Variants in SPOCK1 observed in about 807,000 individuals in gnomAD.
The protein encoded by SPOCK1 is testican-1.
Under a neutral mutation model 55.3 loss-of-function variants are expected in SPOCK1, and 23 were observed. The ratio of observed to expected loss-of-function variants is 0.42; its 90% confidence interval spans 0.30 to 0.59. SPOCK1 has a LOEUF of 0.59. Among genes scored for constraint, SPOCK1 ranks in the 20% least tolerant of loss-of-function variants. The pLI, the probability that SPOCK1 is intolerant of heterozygous loss-of-function variation, is 0.22. For missense variants in SPOCK1, 499 were observed against 552.5 expected (o/e 0.90, Z 0.97); for synonymous variants, 226 against 221.0 (o/e 1.02, Z -0.20).
At chr5:137,235,142 G>A (rs527270892) in intron 3 of SPOCK1, among the ~76,000 whole-genome samples, 66 of 152,178 alleles carry the variant, frequency 4.3e-4, no homozygotes, top group African/African-American at 1.2e-3. Flanking sequence ...AAGATCTAGC[G>A]TCACTTTGTC....
intron 2 of SPOCK1, among the ~76,000 whole-genome samples, chr5:137,322,121 A>C (rs983317383): frequency 2.0e-5 from 3 of 152,098 alleles, no homozygotes. Context: ...CAGTGAACCC[A>C]GGAGTTCGAG....
At chr5:137,079,533 T>TC (rs59775905) in intron 5 of SPOCK1, among the ~76,000 whole-genome samples, 4,677 of 38,168 alleles carry the variant, frequency 0.12, 160 homozygotes, top group Non-Finnish European at 0.23. Flanking sequence ...CCCATCTGAT[T>TC]CCCCCCCCCC....
chr5:136,994,085 A>C (rs999382191), intron 6 of SPOCK1, among the ~76,000 whole-genome samples: 1 of 152,132 alleles, frequency 6.6e-6, no homozygotes, highest in Non-Finnish European at 1.5e-5. Context: ...AGGAGAGGTG[A>C]CCAGGCCCTG....
intron 2 of SPOCK1, among the ~76,000 whole-genome samples, chr5:137,319,984 TC>T (rs1757954312): frequency 7.1e-6 from 1 of 141,484 alleles, no homozygotes; most frequent in Admixed American, 7.0e-5. Context: ...CAACACATGA[TC>T]CAAAAAGCCT....
intron 5 of SPOCK1, among the ~76,000 whole-genome samples, chr5:137,076,653 A>G (rs1422698198): frequency 6.6e-6 from 1 of 151,506 alleles, no homozygotes; most frequent in Non-Finnish European, 1.5e-5. Flanking sequence ...TAGCCAAAGT[A>G]CAGTTTCTAG....
chr5:137,236,578 G>T (rs1197064463), intron 3 of SPOCK1, among the ~76,000 whole-genome samples: 5 of 152,152 alleles, frequency 3.3e-5, no homozygotes, highest in African/African-American at 1.2e-4. Context: ...GAGCATGCTT[G>T]CCCAGGTTTC....
chr5:137,327,482 A>G (rs1328048986), intron 2 of SPOCK1, among the ~76,000 whole-genome samples: 2 of 152,228 alleles, frequency 1.3e-5, no homozygotes, highest in East Asian at 1.9e-4. Context: ...AAACCAATAC[A>G]ACTATATCTA....
intron 6 of SPOCK1, among the ~76,000 whole-genome samples, chr5:137,049,160 T>C (rs1752156020): frequency 1.8e-5 from 1 of 56,292 alleles, no homozygotes; most frequent in Non-Finnish European, 3.8e-5. Flanking sequence ...TGGCGTTCTC[T>C]GTATTTCCTG....
At chr5:137,137,720 C>A (rs1256543132) in intron 4 of SPOCK1, among the ~76,000 whole-genome samples, 1 of 152,224 alleles carries the variant, frequency 6.6e-6, no homozygotes, top group Admixed American at 6.5e-5. Flanking sequence ...CACGCTAAAC[C>A]TCAAAGGCTT....
At chr5:137,261,879 T>G (rs1756748369) in intron 3 of SPOCK1, among the ~76,000 whole-genome samples, 1 of 152,190 alleles carries the variant, frequency 6.6e-6, no homozygotes, top group African/African-American at 2.4e-5. Context: ...GGGAGGTTCT[T>G]TCCTGAGTGC....
At chr5:137,107,453 C>T (rs1318454032) in intron 5 of SPOCK1, among the ~76,000 whole-genome samples, 2 of 152,190 alleles carry the variant, frequency 1.3e-5, no homozygotes, top group Non-Finnish European at 2.9e-5. Context: ...CACTGTTGGC[C>T]TTCCATTTGT....
chr5:137,391,846 C>T (rs1362179966), intron 2 of SPOCK1, among the ~76,000 whole-genome samples: 1 of 152,176 alleles, frequency 6.6e-6, no homozygotes, highest in Non-Finnish European at 1.5e-5. Flanking sequence ...AGCCCTGCTG[C>T]CCAAAACAAA....
Position 136,979,402 on chromosome 5 carries a change from C to A in SPOCK1, c.1059G>T (p.Gly353=), listed in dbSNP as rs767300752. 8 of 1,614,142 alleles carry A rather than the reference C, an allele frequency of 5.0e-6. No individual in the cohort carries two copies. Among genetic ancestry groups the A allele is most frequent in the Non-Finnish European group, 6.8e-6 (8 of 1,180,004 alleles). ...CATATTTGTCCACACACCAGCACTGCCCCGTGCTGCCGTGGCACTGTGTGG... is the reference window on the plus strand; with the variant it reads ...CATATTTGTCCACACACCAGCACTGACCCGTGCTGCCGTGGCACTGTGTGG... The part of the protein sequence containing the change: ...YKATQCHGST[G]QCWCVDKYGN... Residue 353 remains glycine, a synonymous_variant, in exon 10 of 11, where the codon GGG becomes GGT. Coordinates refer to ENST00000394945, the MANE Select transcript of SPOCK1 (RefSeq NM_004598.4).
intron 2 of SPOCK1, among the ~76,000 whole-genome samples, chr5:137,478,220 C>A (rs1753877187): frequency 6.6e-6 from 1 of 152,124 alleles, no homozygotes; most frequent in Admixed American, 6.5e-5. Flanking sequence ...ACAAGGCCAT[C>A]TTAGAATAGC....
intron 2 of SPOCK1, among the ~76,000 whole-genome samples, chr5:137,481,328 C>T (rs566962291): frequency 6.6e-6 from 1 of 152,356 alleles, no homozygotes; most frequent in South Asian, 2.1e-4. Flanking sequence ...TAGCTCCTTA[C>T]AGCCAAGATT....
chr5:137,171,851 T>C (rs1213910394), intron 3 of SPOCK1, among the ~76,000 whole-genome samples: 2 of 152,128 alleles, frequency 1.3e-5, no homozygotes, highest in Non-Finnish European at 2.9e-5. Context: ...CTCGTACCTT[T>C]CTAATAAACA....
chr5:137,379,520 A>C (rs2127174327), intron 2 of SPOCK1, among the ~76,000 whole-genome samples: 1 of 145,910 alleles, frequency 6.9e-6, no homozygotes, highest in African/African-American at 2.5e-5. Flanking sequence ...AAGATCTCTT[A>C]ATACCCACCC....
intron 2 of SPOCK1, among the ~76,000 whole-genome samples, chr5:137,297,493 C>G (rs2127134699): frequency 1.3e-5 from 2 of 152,296 alleles, no homozygotes; most frequent in South Asian, 4.1e-4. Flanking sequence ...ACATTTCTTC[C>G]TTTATGCCTT....
intron 3 of SPOCK1, among the ~76,000 whole-genome samples, chr5:137,209,331 C>T (rs1412280452): frequency 6.6e-6 from 1 of 152,146 alleles, no homozygotes; most frequent in Non-Finnish European, 1.5e-5. Flanking sequence ...CCCTAAATAA[C>T]CAGGCCATGT....
Sources: gnomAD v4.1 joint callset for allele counts (sites outside exome capture counted in the v4.1 genomes callset) on GRCh38, gnomAD v4.1.1 for gene constraint, MANE v1.5 for transcripts, NCBI Gene and HGNC (gene_info 2026-07-23, HGNC 2026-07-21) for gene names.